The following RAD50 variants were observed in gnomAD, a reference collection of about 807,000 sequenced individuals.
RAD50 encodes the protein DNA repair protein RAD50.
Under a neutral mutation model 168.8 loss-of-function variants are expected in RAD50, and 132 were observed. The observed-to-expected ratio is 0.78, with a 90% confidence interval of 0.68 to 0.90. RAD50 has a LOEUF of 0.90. Ranked by LOEUF, RAD50 falls within the 40% of genes least tolerant of loss-of-function variation. RAD50 has a pLI of 0.00. For missense variants in RAD50, 1,347 were observed against 1,534.4 expected, an observed-to-expected ratio of 0.88 and a Z score of 2.04; for synonymous variants, 525 against 497.4, an observed-to-expected ratio of 1.06 and a Z score of -0.74.
intron 21 of RAD50, among the ~76,000 whole-genome samples, chr5:132,625,381 C>T (rs552347440): frequency 2.6e-4 from 39 of 152,240 alleles, no homozygotes; most frequent in Middle Eastern, 3.4e-3. Flanking sequence ...CCACCGCGCC[C>T]GGCCGAATTC....
intron 2 of RAD50, among the ~76,000 whole-genome samples, chr5:132,575,320 G>A (rs571183704): frequency 3.5e-4 from 53 of 152,250 alleles, no homozygotes; most frequent in Admixed American, 5.2e-4. Context: ...ATCAGGTCTC[G>A]TGAGACTTAC....
chr5:132,635,238 C>CTAAT (rs745900837), intron 21 of RAD50, among the ~76,000 whole-genome samples: 1 of 152,192 alleles, frequency 6.6e-6, no homozygotes, highest in Non-Finnish European at 1.5e-5. Context: ...ATAACAGTAT[C>CTAAT]TAATTCCCAG....
At chr5:132,581,890 C>T (rs1750511648) in intron 5 of RAD50, among the ~76,000 whole-genome samples, 2 of 151,960 alleles carry the variant, frequency 1.3e-5, no homozygotes, top group African/African-American at 4.8e-5. Flanking sequence ...TCCCCCTTGC[C>T]CCACTCCACG....
intron 21 of RAD50, among the ~76,000 whole-genome samples, chr5:132,619,885 T>TAAAGATATATATATATAG (rs1554099997): frequency 3.1e-4 from 38 of 121,208 alleles, no homozygotes; most frequent in African/African-American, 1.3e-3. Flanking sequence ...TATATATATA[T>TAAAGATATATATATATAG]AGAGAGAGAG....
intron 22 of RAD50, 82 bp from the exon 23 acceptor site, chr5:132,637,999 C>T: frequency 1.4e-6 from 2 of 1,451,418 alleles, no homozygotes; most frequent in East Asian, 2.3e-5. Flanking sequence ...ATCTGTTGTT[C>T]CTAGGCTTAC....
chr5:132,601,569 T>C (rs940977311), intron 13 of RAD50, among the ~76,000 whole-genome samples: 1 of 152,154 alleles, frequency 6.6e-6, no homozygotes, highest in African/African-American at 2.4e-5. Flanking sequence ...AGAGGAAACA[T>C]TGGCATGGAA....
Position 132,619,810 on chromosome 5 carries a change from C to A in RAD50, c.3389+1516C>A, listed in dbSNP as rs1398962023. The stretch of plus-strand genomic sequence containing the variant: ...TCTCTCTCTCTCTCTCTCTCTCTCT[C>A]TACTCCTCTCTCTCTCTCTCTCTCT... On this transcript the variant is annotated intron_variant, in intron 21 of 24. Transcript: ENST00000378823. Among the ~76,000 whole-genome samples, 2 of 137,182 alleles carry A rather than the reference C, an allele frequency of 1.5e-5. 1 individual carries two copies. Among genetic ancestry groups the A allele is most frequent in the Non-Finnish European group, 3.0e-5 (2 of 65,648 alleles). 90.0% of individuals were successfully genotyped at this position (137,182 alleles called of 152,430 possible). A position where few individuals can be genotyped will look rare whatever the true frequency, so the allele number is the denominator to read the frequency against.
intron 5 of RAD50, among the ~76,000 whole-genome samples, chr5:132,582,675 T>C (rs1003298751): frequency 6.6e-6 from 1 of 152,230 alleles, no homozygotes; most frequent in African/African-American, 2.4e-5. Flanking sequence ...TAGAGGAATA[T>C]GTTTCTAACT....
chr5:132,588,177 G>T (rs1166617010), intron 7 of RAD50, 88 bp downstream of exon 7: 5 of 1,444,528 alleles, frequency 3.5e-6, no homozygotes, highest in South Asian at 1.2e-5. Flanking sequence ...GACTTATGCT[G>T]AGTGAAAAGC....
chr5:132,572,067 G>A (rs1750316314), intron 2 of RAD50, among the ~76,000 whole-genome samples: 1 of 152,106 alleles, frequency 6.6e-6, no homozygotes, highest in Admixed American at 6.6e-5. Context: ...AGTGAATTAG[G>A]CTGTAGAAAA....
In RAD50 at chr5:132,626,304, G is replaced by A. The variant is rs80128892; in HGVS notation, c.3389+8010G>A. Among the ~76,000 whole-genome samples the A allele has an allele frequency of 2.2e-3, 333 of 152,176 alleles. 3 individuals are homozygous for A. The highest frequency in any genetic ancestry group is 6.9e-3 in the African/African-American group (288 of 41,498). On this transcript the variant is annotated intron_variant, in intron 21 of 24. Transcript: ENST00000378823. ...AACCTAATGATTTCATTTCCTTTGC[G>A]TAAATATCCAGTAAGTGGGATTGCA... is the stretch of plus-strand genomic sequence containing the variant.
Position 132,618,366 on chromosome 5 carries a change from ATTTTTTTC to A in RAD50, c.3389+87_3389+94del, listed in dbSNP as rs1235908298. The A allele has an allele frequency of 1.7e-5, 26 of 1,574,130 alleles. 1 individual carries two copies. Among genetic ancestry groups the A allele is most frequent in the South Asian group, 7.2e-5 (6 of 83,350 alleles). Reference sequence around the variant, plus strand: ...ACATACTTTAGTCATCTTTTCTCTCATTTTTTTCTTTTTTTCTTTTTTATTTTTTGAGA... The same window carrying A: ...ACATACTTTAGTCATCTTTTCTCTCATTTTTTTCTTTTTTATTTTTTGAGA... On this transcript the variant is annotated intron_variant, in intron 21 of 24. Coordinates refer to ENST00000378823, the MANE Select transcript of RAD50 (RefSeq NM_005732.4).
chr5:132,638,586 G>A (rs1440790415), intron 23 of RAD50, among the ~76,000 whole-genome samples: 1 of 152,206 alleles, frequency 6.6e-6, no homozygotes, highest in Non-Finnish European at 1.5e-5. Context: ...ATGAAAAAAT[G>A]CAATTATAAC....
Position 132,643,166 on chromosome 5 carries a change from C to T in RAD50, c.*802C>T. 1 of 455,014 alleles carries T rather than the reference C, an allele frequency of 2.2e-6. No individual in the cohort carries two copies. Among genetic ancestry groups the T allele is most frequent in the Non-Finnish European group, 4.7e-6 (1 of 214,596 alleles). 28.2% of individuals were successfully genotyped at this position (455,014 alleles called of 1,614,324 possible). On this transcript the variant is annotated 3_prime_UTR_variant, in exon 25 of 25. Transcript: ENST00000378823. ...CTGTGTAGCATACTGGCTTCACCAT[C>T]AATCCTGATTCCTCTCTAAGTGGGC...
At chr5:132,602,444 A>G (rs1007186794) in intron 13 of RAD50, among the ~76,000 whole-genome samples, 4 of 152,158 alleles carry the variant, frequency 2.6e-5, no homozygotes, top group African/African-American at 9.6e-5. Flanking sequence ...CCTGCCATGG[A>G]GGTGGTAATT....
At chr5:132,568,245 TTTTTTTA>T (rs1750242776) in intron 2 of RAD50, among the ~76,000 whole-genome samples, 1 of 151,876 alleles carries the variant, frequency 6.6e-6, no homozygotes, top group African/African-American at 2.4e-5. Context: ...TGATTTTTTA[TTTTTTTA>T]TTTTTTATTT....
rs786202168 is a variant in RAD50, at chr5:132,559,288, T to C, written c.134T>C (p.Ile45Thr). The change falls in exon 2 of 25, where the codon ATC becomes ACC. Residue 45 changes from isoleucine to threonine, a missense_variant. By Grantham distance (89) the Ile-to-Thr change is moderately conservative. This residue lies in a region of RAD50 where 703 missense variants were observed against 767.7 expected (regional missense o/e 0.92). Coordinates refer to ENST00000378823, the MANE Select transcript of RAD50 (RefSeq NM_005732.4). ...VGPNGAGKTT[I>T]IECLKYICTG... is the part of the protein sequence containing the mutation. ...TGTAATTTTCTATTTCTTTAGACCATCATTGAATGTCTAAAATATATTTGT... is the reference window on the plus strand; with the variant it reads ...TGTAATTTTCTATTTCTTTAGACCACCATTGAATGTCTAAAATATATTTGT... 6 of 1,603,222 alleles carry C rather than the reference T, an allele frequency of 3.7e-6. No individual in the cohort carries two copies. Among genetic ancestry groups the C allele is most frequent in the Non-Finnish European group, 5.1e-6 (6 of 1,175,096 alleles).
intron 21 of RAD50, among the ~76,000 whole-genome samples, chr5:132,631,151 G>T (rs1413067497): frequency 1.4e-5 from 2 of 139,156 alleles, no homozygotes; most frequent in Non-Finnish European, 3.0e-5. Flanking sequence ...GACAGAGTCT[G>T]GCTCTGTCAC....
chr5:132,603,211 T>A, intron 13 of RAD50, 89 bp from the exon 14 acceptor site: 2 of 1,199,734 alleles, frequency 1.7e-6, no homozygotes. Flanking sequence ...ACAATGTCAC[T>A]TCTGTGGTAT....
Sources: gnomAD v4.1 joint callset for allele counts (sites outside exome capture counted in the v4.1 genomes callset) on GRCh38, gnomAD v4.1.1 for gene constraint, gnomAD v4.1.1 regional missense constraint, MANE v1.5 for transcripts, NCBI Gene and HGNC (gene_info 2026-07-23, HGNC 2026-07-21) for gene names.